ANO10: variants seen among roughly 807,000 people sequenced by gnomAD.
ANO10 encodes the protein anoctamin-10.
In ANO10, 77 loss-of-function variants were observed where a neutral mutation model predicts 74.7. The ratio of observed to expected loss-of-function variants is 1.03; its 90% confidence interval spans 0.86 to 1.25. The LOEUF (loss-of-function observed/expected upper bound fraction) is 1.25, where lower values mean the gene tolerates loss of function less well. ANO10 is among the 50% of genes most tolerant of loss of function. ANO10 has a pLI of 0.00. For missense variants in ANO10, 721 were observed against 778.1 expected (o/e 0.93, Z 0.87); for synonymous variants, 279 against 284.9 (o/e 0.98, Z 0.21).
Position 43,549,613 on chromosome 3 carries a change from A to G in ANO10, c.1797+107T>C, listed in dbSNP as rs1264384432. On this transcript the variant is annotated intron_variant, in intron 11 of 12. Transcript: ENST00000292246. ...ACTGTTTTTGCTTTCTTACCAGTAA[A>G]TCCATATTGCTCAATTGTCAGTCAT... The G allele has an allele frequency of 3.9e-6, 5 of 1,294,240 alleles. No individual in the cohort carries two copies. The East Asian group carries it at 1.2e-4, about 30-fold the overall frequency. The allele number at this position is 1,294,240 out of a possible 1,614,324, so 80.2% of individuals were successfully genotyped here. A position where few individuals can be genotyped will look rare whatever the true frequency, so the allele number is the denominator to read the frequency against.
chr3:43,667,697 G>A (rs1184159620), intron 1 of ANO10, among the ~76,000 whole-genome samples: 1 of 152,094 alleles, frequency 6.6e-6, no homozygotes, highest in Non-Finnish European at 1.5e-5. Flanking sequence ...ATGATATTTG[G>A]TTTTCTACTG....
intron 10 of ANO10, among the ~76,000 whole-genome samples, chr3:43,550,477 T>C (rs957773954): frequency 1.3e-5 from 2 of 152,194 alleles, no homozygotes; most frequent in Non-Finnish European, 1.5e-5. Context: ...GTTGTGACCA[T>C]TGCTCTTTTT....
intron 12 of ANO10, among the ~76,000 whole-genome samples, chr3:43,414,153 A>G (rs1322656221): frequency 6.6e-6 from 1 of 152,194 alleles, no homozygotes; most frequent in Non-Finnish European, 1.5e-5. Context: ...AAATGAAGAA[A>G]ACAAATAGTA....
intron 1 of ANO10, among the ~76,000 whole-genome samples, chr3:43,647,998 A>G (rs2083744666): frequency 6.6e-6 from 1 of 152,174 alleles, no homozygotes; most frequent in South Asian, 2.1e-4. Flanking sequence ...ACTCATTGTT[A>G]CATTCTTTCT....
chr3:43,405,425 T>C (rs1295203533), intron 12 of ANO10, among the ~76,000 whole-genome samples: 3 of 152,226 alleles, frequency 2.0e-5, no homozygotes, highest in East Asian at 3.8e-4. Flanking sequence ...GTTGTGACTC[T>C]GAAGACTCAA....
intron 11 of ANO10, among the ~76,000 whole-genome samples, chr3:43,459,017 T>C (rs1223547322): frequency 6.6e-6 from 1 of 152,212 alleles, no homozygotes; most frequent in Non-Finnish European, 1.5e-5. Context: ...ACAAAGTCTC[T>C]GAGCCCCTTG....
At chr3:43,446,488 CAA>C (rs905831127) in intron 11 of ANO10, among the ~76,000 whole-genome samples, 58 of 152,080 alleles carry the variant, frequency 3.8e-4, no homozygotes, top group Admixed American at 1.3e-3. Context: ...ATATTTTTTT[CAA>C]AGATAACATT....
At chr3:43,441,689 A>T (rs1245962632) in intron 11 of ANO10, among the ~76,000 whole-genome samples, 1 of 152,154 alleles carries the variant, frequency 6.6e-6, no homozygotes, top group Non-Finnish European at 1.5e-5. Context: ...TACCAAAACC[A>T]AAGACATAAT....
At chr3:43,620,528 A>G (rs1380966422) in intron 1 of ANO10, among the ~76,000 whole-genome samples, 1 of 152,168 alleles carries the variant, frequency 6.6e-6, no homozygotes, top group Non-Finnish European at 1.5e-5. Flanking sequence ...CTGTAATCCC[A>G]GCACTTTGGG....
intron 12 of ANO10, among the ~76,000 whole-genome samples, chr3:43,380,617 A>G (rs2091933818): frequency 6.6e-6 from 1 of 152,256 alleles, no homozygotes; most frequent in Non-Finnish European, 1.5e-5. Context: ...GGAAAGATAC[A>G]GTCTTTTTCA....
intron 11 of ANO10, among the ~76,000 whole-genome samples, chr3:43,543,189 C>T (rs2079031538): frequency 6.6e-6 from 1 of 152,098 alleles, no homozygotes; most frequent in African/African-American, 2.4e-5. Flanking sequence ...AGGAAGAACA[C>T]ATGTGTGACA....
chr3:43,432,937 CTTAA>C (rs1264200669), intron 11 of ANO10, among the ~76,000 whole-genome samples: 1 of 77,002 alleles, frequency 1.3e-5, no homozygotes, highest in Non-Finnish European at 2.8e-5. Context: ...ACTGACTTTG[CTTAA>C]TTCTTTTTTT....
At chr3:43,402,492 G>A (rs1319625172) in intron 12 of ANO10, among the ~76,000 whole-genome samples, 2 of 152,182 alleles carry the variant, frequency 1.3e-5, no homozygotes, top group Non-Finnish European at 2.9e-5. Flanking sequence ...GGGCTCCAGG[G>A]TGATCTGGCC....
At chr3:43,376,513 T>C (rs1170255262) in intron 12 of ANO10, among the ~76,000 whole-genome samples, 1 of 152,178 alleles carries the variant, frequency 6.6e-6, no homozygotes, top group East Asian at 1.9e-4. Flanking sequence ...AATATAATTA[T>C]ATACGAAAGC....
chr3:43,397,206 G>C (rs2092398808), intron 12 of ANO10, among the ~76,000 whole-genome samples: 1 of 152,192 alleles, frequency 6.6e-6, no homozygotes, highest in Non-Finnish European at 1.5e-5. Flanking sequence ...TGAGATTACA[G>C]GTGTGAGCCA....
At chr3:43,526,186 C>T (rs2078189334) in intron 11 of ANO10, among the ~76,000 whole-genome samples, 1 of 152,144 alleles carries the variant, frequency 6.6e-6, no homozygotes, top group Non-Finnish European at 1.5e-5. Flanking sequence ...GTAAAATTAC[C>T]TTTCCCATTT....
chr3:43,379,706 T>C (rs535047254), intron 12 of ANO10, among the ~76,000 whole-genome samples: 1 of 152,240 alleles, frequency 6.6e-6, no homozygotes, highest in East Asian at 1.9e-4. Context: ...GCATAGGAGC[T>C]GGGTGAGGGC....
chr3:43,666,352 GGAATT>G (rs1441781079), intron 1 of ANO10, among the ~76,000 whole-genome samples: 2 of 152,010 alleles, frequency 1.3e-5, no homozygotes, highest in Non-Finnish European at 2.9e-5. Context: ...CTGGATTGGG[GGAATT>G]GAATTTTTAA....
At position 43,366,874 on chromosome 3, in the gene ANO10, C is replaced by T. The variant is rs759727363; in HGVS notation, c.*32G>A. On this transcript the variant is annotated 3_prime_UTR_variant, in exon 13 of 13. Coordinates refer to ENST00000292246, the MANE Select transcript of ANO10 (RefSeq NM_018075.5). ...GCAGGTGTGGCACAGACACAGGCCT[C>T]TGCCAACAGGGCAGCTGGGCACGCT... 3.2e-6 allele frequency: 5 copies of T among 1,558,974 alleles called. No individual in the cohort carries two copies. The highest frequency in any genetic ancestry group is 4.3e-6 in the Non-Finnish European group (5 of 1,150,238).
Sources: allele counts gnomAD v4.1 joint callset (sites outside exome capture counted in the v4.1 genomes callset), GRCh38; gene constraint gnomAD v4.1.1; transcripts MANE v1.5; gene names NCBI Gene and HGNC (gene_info 2026-07-23, HGNC 2026-07-21).